The following ARMH3 variants were observed in gnomAD, a reference collection of about 807,000 sequenced individuals.
ARMH3 encodes armadillo-like helical domain-containing protein 3.
A neutral mutation model predicts 99.1 loss-of-function variants in ARMH3; 60 were observed. That is an observed-to-expected ratio of 0.61 (90% CI 0.49 to 0.75). The LOEUF (loss-of-function observed/expected upper bound fraction) is 0.75, where lower values mean the gene tolerates loss of function less well. ARMH3 is among the 30% of genes least tolerant of loss of function. ARMH3 has a pLI of 0.00. For synonymous variants in ARMH3, 285 were observed against 292.8 expected (o/e 0.97, Z 0.27); for missense variants, 679 against 843.1 (o/e 0.81, Z 2.41).
intron 6 of ARMH3, among the ~76,000 whole-genome samples, chr10:102,024,625 A>T (rs2066959249): frequency 6.6e-6 from 1 of 151,512 alleles, no homozygotes; most frequent in East Asian, 1.9e-4. Flanking sequence ...AGGCTGGCCA[A>T]CATGGCGAAA....
chr10:102,010,054 T>C (rs759982150), intron 11 of ARMH3, 31 bp from the exon 12 acceptor site: 26 of 1,604,506 alleles, frequency 1.6e-5, no homozygotes, highest in South Asian at 1.2e-4. Context: ...TGCAAACTTA[T>C]AGCAGGAGGA....
At chr10:102,010,953 G>A (rs1284120697) in intron 11 of ARMH3, among the ~76,000 whole-genome samples, 1 of 152,166 alleles carries the variant, frequency 6.6e-6, no homozygotes, top group African/African-American at 2.4e-5. Flanking sequence ...TTGCAGAAGT[G>A]GAGGAGGAGA....
chr10:102,025,231 C>T lies in ARMH3; in HGVS notation c.432G>A (p.Leu144=). 1 of 1,613,714 alleles carries T rather than the reference C, an allele frequency of 6.2e-7. No homozygotes were observed. Among genetic ancestry groups the T allele is most frequent in the Non-Finnish European group, 8.5e-7 (1 of 1,179,852 alleles). ...AACCTTCTGCACAAAGCAATGAATC[C>T]AAACTCTCCATCAAGTTCTGAGAAA... ...ELCMKNLMES[L]DSLLCAEGSE... is the part of the protein sequence containing the mutation. The change falls in exon 6 of 26, where the codon TTG becomes TTA. Residue 144 remains leucine (L), a synonymous_variant. Coordinates refer to ENST00000370033, the MANE Select transcript of ARMH3 (RefSeq NM_024541.3).
chr10:102,054,248 G>C (rs2067781704), intron 1 of ARMH3, among the ~76,000 whole-genome samples: 1 of 152,030 alleles, frequency 6.6e-6, no homozygotes, highest in South Asian at 2.1e-4. Context: ...AATTAGCCAG[G>C]CATGGTGGTG....
intron 23 of ARMH3, among the ~76,000 whole-genome samples, chr10:101,899,443 T>C (rs1300837434): frequency 1.3e-5 from 2 of 152,112 alleles, no homozygotes; most frequent in Admixed American, 6.5e-5. Context: ...TGAGGTTGAG[T>C]TATTTAATTT....
At chr10:101,954,011 G>A (rs1008931059) in intron 22 of ARMH3, among the ~76,000 whole-genome samples, 5 of 152,060 alleles carry the variant, frequency 3.3e-5, no homozygotes, top group Non-Finnish European at 7.4e-5. Context: ...GGGCAACATG[G>A]CGAAACCCTG....
At chr10:102,027,125 A>T (rs1464383257) in intron 5 of ARMH3, among the ~76,000 whole-genome samples, 1 of 152,148 alleles carries the variant, frequency 6.6e-6, no homozygotes, top group Non-Finnish European at 1.5e-5. Context: ...CTACAAATAC[A>T]AAAATTAGCT....
intron 23 of ARMH3, among the ~76,000 whole-genome samples, chr10:101,911,981 T>C (rs1428066546): frequency 2.0e-5 from 3 of 151,640 alleles, no homozygotes; most frequent in African/African-American, 4.8e-5. Flanking sequence ...TGCAGTGAGC[T>C]GAGATCGTGT....
chr10:102,013,803 A>AG (rs2066682072), intron 9 of ARMH3, among the ~76,000 whole-genome samples, 165 bp downstream of exon 9: 1 of 152,228 alleles, frequency 6.6e-6, no homozygotes, highest in Non-Finnish European at 1.5e-5. Flanking sequence ...AGAAGACAGT[A>AG]AAACGGTAGC....
chr10:102,008,801 G>T (rs942910702), intron 13 of ARMH3, among the ~76,000 whole-genome samples: 2 of 151,874 alleles, frequency 1.3e-5, no homozygotes, highest in African/African-American at 4.8e-5. Flanking sequence ...TCCTGACCTT[G>T]TGATCCGCCC....
intron 1 of ARMH3, among the ~76,000 whole-genome samples, chr10:102,054,490 T>C (rs750327660): frequency 2.0e-5 from 3 of 152,164 alleles, no homozygotes; most frequent in Non-Finnish European, 2.9e-5. Flanking sequence ...ATTCCCCCTT[T>C]ACAGTCGTAA....
At chr10:101,930,847 A>G (rs572283265) in intron 23 of ARMH3, among the ~76,000 whole-genome samples, 1 of 152,328 alleles carries the variant, frequency 6.6e-6, no homozygotes, top group Non-Finnish European at 1.5e-5. Context: ...ATAATAATAA[A>G]CATGTATATA....
chr10:101,920,134 T>C (rs1367337962), intron 23 of ARMH3, among the ~76,000 whole-genome samples: 20 of 152,216 alleles, frequency 1.3e-4, no homozygotes, highest in Admixed American at 1.2e-3. Context: ...ACATAGATGC[T>C]TCCTGCCTTC....
chr10:102,033,671 G>C (rs907215416), intron 2 of ARMH3, among the ~76,000 whole-genome samples: 1 of 152,176 alleles, frequency 6.6e-6, no homozygotes, highest in Non-Finnish European at 1.5e-5. Context: ...GCCCGCCTCA[G>C]ACTCCCAAAG....
intron 2 of ARMH3, among the ~76,000 whole-genome samples, chr10:102,035,158 C>T: frequency 6.6e-6 from 1 of 151,968 alleles, no homozygotes; most frequent in East Asian, 1.9e-4. Context: ...GCCCGGATCA[C>T]GAGGTCAGGA....
At chr10:101,897,672 C>T (rs1198350388) in intron 23 of ARMH3, among the ~76,000 whole-genome samples, 1 of 152,014 alleles carries the variant, frequency 6.6e-6, no homozygotes, top group African/African-American at 2.4e-5. Context: ...TCTAAAGCCA[C>T]TGAATTAGAA....
At chr10:102,046,864 G>C (rs1454802808) in intron 1 of ARMH3, among the ~76,000 whole-genome samples, 1 of 152,140 alleles carries the variant, frequency 6.6e-6, no homozygotes, top group South Asian at 2.1e-4. Flanking sequence ...GTGAGTAAGG[G>C]GGAGTATGTA....
intron 24 of ARMH3, among the ~76,000 whole-genome samples, chr10:101,866,013 G>T (rs1240081011): frequency 6.6e-6 from 1 of 151,404 alleles, no homozygotes; most frequent in Non-Finnish European, 1.5e-5. Context: ...CTGAGGTCAG[G>T]AGTTCAAGAC....
At chr10:101,996,669 A>C (rs2136035976) in intron 15 of ARMH3, among the ~76,000 whole-genome samples, 1 of 147,198 alleles carries the variant, frequency 6.8e-6, no homozygotes, top group South Asian at 2.2e-4. Flanking sequence ...AATTTTTTTT[A>C]ATTTTAAAAT....
Sources: allele counts gnomAD v4.1 joint callset (sites outside exome capture counted in the v4.1 genomes callset), GRCh38; gene constraint gnomAD v4.1.1; transcripts MANE v1.5; gene names NCBI Gene and HGNC (gene_info 2026-07-23, HGNC 2026-07-21).